Variants in PLCH1 observed in about 807,000 individuals in gnomAD.
The protein encoded by PLCH1 is 1-phosphatidylinositol 4,5-bisphosphate phosphodiesterase eta-1.
Under a neutral mutation model 126.7 loss-of-function variants are expected in PLCH1, and 60 were observed. The observed-to-expected ratio is 0.47, with a 90% CI of 0.38 to 0.59. PLCH1 has a LOEUF of 0.59. PLCH1 is among the 20% of genes least tolerant of loss of function. The probability of loss-of-function intolerance (pLI) is 0.00; values close to 1 mark genes in which losing one functional copy is unlikely to be tolerated. For missense variants in PLCH1, 1,723 were observed against 2,040.0 expected, an observed-to-expected ratio of 0.84 and a Z score of 2.99; for synonymous variants, 719 against 734.9, an observed-to-expected ratio of 0.98 and a Z score of 0.35.
At position 155,585,284 on chromosome 3, in the gene PLCH1, C is replaced by T. The variant is rs139426339; in HGVS notation, c.600+781G>A. On this transcript the variant is annotated intron_variant, in intron 5 of 22. Transcript: ENST00000460012. ...TCTAAGAACAAGTACAAACATTAAA[C>T]ATCATATTGCCCTCCTATGCTTATT... Among the ~76,000 whole-genome samples the T allele has an allele frequency of 1.6e-4, 24 of 152,260 alleles. No individual in the cohort carries two copies. The East Asian group carries it at 4.0e-3, about 26-fold the overall frequency.
At position 155,651,007 on chromosome 3, in the gene PLCH1, C is replaced by T. The variant is rs903799712; in HGVS notation, c.79+53139G>A. Among the ~76,000 whole-genome samples the T allele has an allele frequency of 4.0e-5, 6 of 151,336 alleles. 1 individual carries two copies. The South Asian group carries it at 1.3e-3, about 32-fold the overall frequency. On this transcript the variant is annotated intron_variant, in intron 2 of 22. Transcript: ENST00000460012. ...GAGTCAAGATCACATCATTGTACTC[C>T]AGCCTGGGCAACAGAGCGAGACTCC...
chr3:155,675,990 G>A, intron 2 of PLCH1: 1 of 1,478,842 alleles, frequency 6.8e-7, no homozygotes, highest in Admixed American at 2.0e-5. Context: ...AGTAGTATGA[G>A]TCTTACCTTT....
At chr3:155,579,854 G>A (rs1222173110) in intron 6 of PLCH1, among the ~76,000 whole-genome samples, 1 of 151,876 alleles carries the variant, frequency 6.6e-6, no homozygotes. Flanking sequence ...CTCTGTCTCT[G>A]TCTGTCTGTC....
intron 2 of PLCH1, among the ~76,000 whole-genome samples, chr3:155,691,444 AG>A (rs1745376017): frequency 6.6e-6 from 1 of 152,200 alleles, no homozygotes; most frequent in Non-Finnish European, 1.5e-5. Flanking sequence ...CTATATGCAA[AG>A]CCGGAGATAT....
rs35872401 is a variant in PLCH1, at chr3:155,551,684, CAAAAAAA to C, written c.1191-1733_1191-1727del. 5.8e-3 allele frequency among the ~76,000 whole-genome samples: 505 copies of C among 87,014 alleles called. 2 individuals carry two copies. The highest frequency in any genetic ancestry group is 6.8e-3 in the Non-Finnish European group (279 of 41,328). 57.1% of individuals were successfully genotyped at this position (87,014 alleles called of 152,430 possible). A position where few individuals can be genotyped will look rare whatever the true frequency, so the allele number is the denominator to read the frequency against. On this transcript the variant is annotated intron_variant, in intron 9 of 22. Coordinates refer to ENST00000460012, the MANE Select transcript of PLCH1 (RefSeq NM_014996.4). ...TACGCTGCACAGGACAGCTCTCTAC[CAAAAAAA>C]AAAAAAAAAAAAAAAAATTATCAGT...
intron 21 of PLCH1, among the ~76,000 whole-genome samples, chr3:155,462,525 C>A (rs547984415): frequency 2.0e-4 from 31 of 152,314 alleles, no homozygotes; most frequent in African/African-American, 7.5e-4. Flanking sequence ...TCTGGAAGGA[C>A]TGGCCTTGCC....
At chr3:155,598,652 T>A (rs1733310217) in intron 2 of PLCH1, among the ~76,000 whole-genome samples, 1 of 152,176 alleles carries the variant, frequency 6.6e-6, no homozygotes, top group African/African-American at 2.4e-5. Context: ...TACAGTCTGT[T>A]TCCAGCTTGG....
chr3:155,530,923 G>A (rs1350649366), intron 10 of PLCH1, among the ~76,000 whole-genome samples: 2 of 152,172 alleles, frequency 1.3e-5, no homozygotes, highest in Admixed American at 1.3e-4. Flanking sequence ...TGTGTAGCAG[G>A]CATGAAAACA....
At position 155,464,785 on chromosome 3, in the gene PLCH1, T is replaced by C. The variant is rs1330289738; in HGVS notation, c.2938+20571A>G. ...AATTGTAAAATTGCTTCCTCTTCTC[T>C]TCCAATGTCCTATTAGTAGAATAAT... On this transcript the variant is annotated intron_variant, in intron 21 of 21. Coordinates refer to the PLCH1 transcript ENST00000494598. Among the ~76,000 whole-genome samples, 3 of 152,198 alleles carry C rather than the reference T, an allele frequency of 2.0e-5. No homozygotes were observed. In the East Asian group the frequency reaches 5.8e-4, roughly 29 times the overall value.
chr3:155,662,459 C>T (rs1230986716), intron 2 of PLCH1, among the ~76,000 whole-genome samples: 2 of 151,024 alleles, frequency 1.3e-5, no homozygotes, highest in Non-Finnish European at 2.9e-5. Flanking sequence ...CAGAGTGACA[C>T]CGTCTCTAAA....
At chr3:155,594,430 G>A (rs920946836) in intron 3 of PLCH1, among the ~76,000 whole-genome samples, 19 of 151,918 alleles carry the variant, frequency 1.3e-4, no homozygotes, top group African/African-American at 3.1e-4. Context: ...AAAATTGGCC[G>A]GGCACGGTGG....
At chr3:155,537,615 CA>C (rs1303152520) in intron 10 of PLCH1, among the ~76,000 whole-genome samples, 21 of 152,062 alleles carry the variant, frequency 1.4e-4, no homozygotes, top group African/African-American at 5.1e-4. Flanking sequence ...TCAGACAAAA[CA>C]AACTTTAAAG....
chr3:155,653,136 TATA>T (rs1740915476), intron 2 of PLCH1, among the ~76,000 whole-genome samples: 3 of 37,944 alleles, frequency 7.9e-5, no homozygotes, highest in Non-Finnish European at 1.3e-4. Context: ...TAGATATAGA[TATA>T]GATATAGATA....
rs1458472449 is a variant in PLCH1, at chr3:155,714,104, A to T, written c.-40-9840T>A. Among the ~76,000 whole-genome samples, 4 of 152,152 alleles carry T rather than the reference A, an allele frequency of 2.6e-5. No individual in the cohort carries two copies. In the East Asian group the frequency reaches 5.8e-4, roughly 22 times the overall value. On this transcript the variant is annotated intron_variant, in intron 1 of 22. Transcript: ENST00000460012. ...AAGGCATAGAAAAACAGGTCTCAAAACTATATCCTGTACTTCGGCCTCTGA... is the reference window on the plus strand; with the variant it reads ...AAGGCATAGAAAAACAGGTCTCAAATCTATATCCTGTACTTCGGCCTCTGA...
chr3:155,477,949 A>G (rs998455294), downstream of PLCH1, among the ~76,000 whole-genome samples: 16 of 152,180 alleles, frequency 1.1e-4, no homozygotes, highest in Admixed American at 8.5e-4. Context: ...CTGCACTCCT[A>G]TGTGTGTTGC....
intron 21 of PLCH1, among the ~76,000 whole-genome samples, chr3:155,463,985 G>A (rs1293410567): frequency 6.6e-6 from 1 of 152,156 alleles, no homozygotes; most frequent in Non-Finnish European, 1.5e-5. Context: ...TTTGAGCTAG[G>A]GAAAAGGGAC....
chr3:155,699,848 A>ACACACACACC (rs1491419516), intron 2 of PLCH1, among the ~76,000 whole-genome samples: 1 of 147,538 alleles, frequency 6.8e-6, no homozygotes, highest in African/African-American at 2.5e-5. Context: ...ACACACACAC[A>ACACACACACC]CCACTACCTC....
At chr3:155,623,500 T>C (rs1736800346) in intron 2 of PLCH1, among the ~76,000 whole-genome samples, 1 of 151,912 alleles carries the variant, frequency 6.6e-6, no homozygotes, top group African/African-American at 2.4e-5. Context: ...ACACAATAGA[T>C]AGACCACTAG....
rs145403931 is a variant in PLCH1 at position 155,631,004 on chromosome 3, T to C, written c.80-34626A>G. Among the ~76,000 whole-genome samples the C allele has an allele frequency of 2.0e-5, 3 of 152,356 alleles. No homozygotes were observed. In the East Asian group the frequency reaches 5.8e-4, roughly 29 times the overall value. On this transcript the variant is annotated intron_variant, in intron 2 of 22. Coordinates refer to ENST00000460012, the MANE Select transcript of PLCH1 (RefSeq NM_014996.4). The stretch of plus-strand genomic sequence containing the variant: ...TATGGCTCACCACAGAAACTACTTC[T>C]AATTTTTAATTTTTTAGGGAAAAAT...
Sources: gnomAD v4.1 joint callset for allele counts (sites outside exome capture counted in the v4.1 genomes callset) on GRCh38, gnomAD v4.1.1 for gene constraint, MANE v1.5 for transcripts, NCBI Gene and HGNC (gene_info 2026-07-23, HGNC 2026-07-21) for gene names.